POU2F3: variants seen among roughly 807,000 people sequenced by gnomAD.
POU2F3 encodes the protein POU class 2 homeobox 3.
A neutral mutation model predicts 59.2 loss-of-function variants in POU2F3; 23 were observed. The observed-to-expected ratio is 0.39, with a 90% CI of 0.28 to 0.55. The LOEUF is 0.55. POU2F3 is among the 20% of genes least tolerant of loss of function. The pLI, the probability that POU2F3 is intolerant of heterozygous loss-of-function variation, is 0.66. For synonymous variants in POU2F3, 190 were observed against 214.6 expected (o/e 0.89, Z 1.00); for missense variants, 473 against 544.5 (o/e 0.87, Z 1.31).
intron 8 of POU2F3, among the ~76,000 whole-genome samples, chr11:120,306,616 C>T (rs1015457033): frequency 2.4e-4 from 36 of 152,144 alleles, no homozygotes; most frequent in Admixed American, 2.4e-3. Context: ...CAGAGTCCCC[C>T]CCGGTTGAGA....
At chr11:120,244,651 C>T (rs1475844219) in intron 1 of POU2F3, among the ~76,000 whole-genome samples, 1 of 152,174 alleles carries the variant, frequency 6.6e-6, no homozygotes, top group Admixed American at 6.5e-5. Flanking sequence ...CAGTCTCTGA[C>T]TCAGGGCCTC....
Position 120,305,116 on chromosome 11 carries a change from C to A in POU2F3, c.531C>A (p.Pro177=), listed in dbSNP as rs1333232737. Reference sequence around the variant, plus strand: ...ATCTCCCAGTGCCCAAGCATCTACCCAGCTCTGGAGGGGCCGATGAGCCCA... The same window carrying A: ...ATCTCCCAGTGCCCAAGCATCTACCAAGCTCTGGAGGGGCCGATGAGCCCA... ...SQHLPVPKHL[P]SSGGADEPSD... is the part of the protein sequence containing the mutation. Residue 177 remains proline, a synonymous_variant, in exon 7 of 13, where the codon CCC becomes CCA. Transcript: ENST00000543440. 6.2e-7 allele frequency: 1 copy of A among 1,613,868 alleles called. No homozygotes were observed. Among genetic ancestry groups the A allele is most frequent in the Non-Finnish European group, 8.5e-7 (1 of 1,180,018 alleles).
At chr11:120,236,687 G>A (rs147851945), upstream of POU2F3, 185 of 1,505,896 alleles carry the variant, frequency 1.2e-4, no homozygotes, top group African/African-American at 3.3e-4. Flanking sequence ...GAGTCTCCAA[G>A]AACTGCTAAA....
rs1159576352 is a variant in POU2F3, at chr11:120,319,428, A to AT, written c.*1045dup. 5 of 137,736 alleles carry AT rather than the reference A, an allele frequency of 3.6e-5. No homozygotes were observed. The highest frequency in any genetic ancestry group is 7.3e-5 in the Admixed American group (1 of 13,674). 8.5% of individuals were successfully genotyped at this position (137,736 alleles called of 1,614,324 possible). On this transcript the variant is annotated 3_prime_UTR_variant, in exon 13 of 13. Transcript: ENST00000543440. ...TTCCAGAGTTCCCACATGGGCTGGG[A>AT]TTTTTTTTTCTTTTTCTTTTTTTTT...
upstream of POU2F3, chr11:120,236,666 C>A (rs1160966109): frequency 2.0e-6 from 3 of 1,500,876 alleles, no homozygotes; most frequent in Admixed American, 2.0e-5. Flanking sequence ...GCTCAAAAAA[C>A]CGGTTTCATG....
chr11:120,269,396 C>A, intron 3 of POU2F3, 152 bp downstream of exon 3: 1 of 627,942 alleles, frequency 1.6e-6, no homozygotes, highest in Non-Finnish European at 2.7e-6. Context: ...TGAGCCCAAC[C>A]TCCCACCCTA....
chr11:120,312,629 C>T lies in POU2F3; in HGVS notation c.1069-2732C>T, dbSNP rs185142937. Among the ~76,000 whole-genome samples, 115 of 152,294 alleles carry T rather than the reference C, an allele frequency of 7.6e-4. No homozygotes were observed. In the Middle Eastern group the frequency reaches 0.027, roughly 36 times the overall value. On this transcript the variant is annotated intron_variant, in intron 10 of 12. Coordinates refer to ENST00000543440, the MANE Select transcript of POU2F3 (RefSeq NM_014352.4). The stretch of plus-strand genomic sequence containing the variant: ...GCAACATGATATTCATTCATTATTT[C>T]TTCCTTAAGCATTCACTGAGCACCT...
intron 2 of POU2F3, chr11:120,258,953 C>T (rs755691935): frequency 4.6e-5 from 7 of 152,180 alleles, no homozygotes; most frequent in East Asian, 1.9e-4. Flanking sequence ...TATTTCCTAA[C>T]GAACAAAGAG....
chr11:120,254,888 A>G (rs769269193), intron 2 of POU2F3: 4 of 152,188 alleles, frequency 2.6e-5, no homozygotes, highest in Non-Finnish European at 4.4e-5. Context: ...GATCCCTGGG[A>G]GACTCAGGGA....
At chr11:120,259,383 G>T (rs368587491) in intron 2 of POU2F3, 1 of 152,160 alleles carries the variant, frequency 6.6e-6, no homozygotes, top group Non-Finnish European at 1.5e-5. Context: ...TCTAGTGGTC[G>T]GTGAGCCCTG....
chr11:120,245,912 T>C (rs752810053), intron 1 of POU2F3, among the ~76,000 whole-genome samples: 1 of 152,004 alleles, frequency 6.6e-6, no homozygotes, highest in Non-Finnish European at 1.5e-5. Context: ...TGGGCTGACC[T>C]CTGAGACCAG....
At chr11:120,278,609 C>T (rs1295497586) in intron 3 of POU2F3, among the ~76,000 whole-genome samples, 1 of 152,132 alleles carries the variant, frequency 6.6e-6, no homozygotes, top group Non-Finnish European at 1.5e-5. Flanking sequence ...TGAAAAATTC[C>T]TAAAAATGTC....
chr11:120,248,691 G>A (rs1938969396), intron 2 of POU2F3, among the ~76,000 whole-genome samples: 1 of 152,194 alleles, frequency 6.6e-6, no homozygotes, highest in Admixed American at 6.5e-5. Context: ...CTCCCGGCTG[G>A]TAGCATCAAT....
chr11:120,267,344 G>T (rs971523086), intron 2 of POU2F3, among the ~76,000 whole-genome samples: 1 of 152,106 alleles, frequency 6.6e-6, no homozygotes, highest in East Asian at 1.9e-4. Flanking sequence ...GGCCAGGCTG[G>T]TCTCAAACTC....
At chr11:120,278,555 C>T (rs1242212189) in intron 3 of POU2F3, among the ~76,000 whole-genome samples, 1 of 152,172 alleles carries the variant, frequency 6.6e-6, no homozygotes, top group Non-Finnish European at 1.5e-5. Context: ...AGCCTCTGCC[C>T]TCAGAGAACT....
chr11:120,270,921 T>C (rs997348391), intron 3 of POU2F3, among the ~76,000 whole-genome samples: 1 of 152,124 alleles, frequency 6.6e-6, no homozygotes, highest in Non-Finnish European at 1.5e-5. Flanking sequence ...CTTGAATTCC[T>C]GGGCTCAAGC....
At chr11:120,276,340 G>A (rs1258903816) in intron 3 of POU2F3, among the ~76,000 whole-genome samples, 4 of 152,168 alleles carry the variant, frequency 2.6e-5, no homozygotes, top group South Asian at 2.1e-4. Context: ...AGGGTCTGCC[G>A]CAGAGAGGGA....
Position 120,240,352 on chromosome 11 carries a change from T to C in POU2F3, c.9T>C (p.Asn3=). ...GCCCCGCCTGGGGCAGGATGGTGAA[T>C]CTGGAGTCCATGCACACAGGTGAGG... The part of the protein sequence containing the change: MV[N]LESMHTDIKM... Residue 3 remains asparagine, a synonymous_variant, in exon 1 of 13, where the codon AAT becomes AAC. Coordinates refer to ENST00000543440, the MANE Select transcript of POU2F3 (RefSeq NM_014352.4). 26 of 1,422,200 alleles carry C rather than the reference T, an allele frequency of 1.8e-5. No individual in the cohort carries two copies. Among genetic ancestry groups the C allele is most frequent in the Non-Finnish European group, 2.4e-5 (26 of 1,076,834 alleles). The allele number at this position is 1,422,200 out of a possible 1,614,324, so 88.1% of individuals were successfully genotyped here. A position where few individuals can be genotyped will look rare whatever the true frequency, so the allele number is the denominator to read the frequency against.
intron 10 of POU2F3, among the ~76,000 whole-genome samples, chr11:120,313,085 T>C (rs7108217): frequency 0.52 from 79,366 of 151,604 alleles, 21,393 homozygotes; most frequent in African/African-American, 0.6. Context: ...CTGGATTATG[T>C]TGGGAATCAT....
Sources: allele counts gnomAD v4.1 joint callset (sites outside exome capture counted in the v4.1 genomes callset), GRCh38; gene constraint gnomAD v4.1.1; transcripts MANE v1.5; gene names NCBI Gene and HGNC (gene_info 2026-07-23, HGNC 2026-07-21).